CERS6: variants seen among roughly 807,000 people sequenced by gnomAD.
The protein encoded by CERS6 is LAG1 homolog, ceramide synthase 6.
CERS6 carries 26 observed loss-of-function variants against 56.8 expected under a neutral mutation model. That is an observed-to-expected ratio of 0.46 (90% CI 0.34 to 0.63). The LOEUF is 0.63. CERS6 is among the 30% of genes least tolerant of loss of function. The pLI is 0.01. For synonymous variants in CERS6, 164 were observed against 173.3 expected (o/e 0.95, Z 0.42); for missense variants, 415 against 467.5 (o/e 0.89, Z 1.04).
rs1444824610 is a variant in CERS6, at chr2:168,770,917, A to G, written c.*1255A>G. On this transcript the variant is annotated 3_prime_UTR_variant, in exon 10 of 10. Coordinates refer to ENST00000305747, the MANE Select transcript of CERS6 (RefSeq NM_203463.3). The stretch of plus-strand genomic sequence containing the variant: ...GAAAAATGAAAAATTCTATTGGACA[A>G]TGGCAATATCAACAATGAGGAAAAT... The G allele has an allele frequency of 6.6e-6, 1 of 152,194 alleles. No homozygotes were observed. Among genetic ancestry groups the G allele is most frequent in the Non-Finnish European group, 1.5e-5 (1 of 68,034 alleles). The allele number at this position is 152,194 out of a possible 1,614,324, so 9.4% of individuals were successfully genotyped here. A position where few individuals can be genotyped will look rare whatever the true frequency, so the allele number is the denominator to read the frequency against.
chr2:168,605,439 A>T (rs1436733347), intron 3 of CERS6, among the ~76,000 whole-genome samples: 2 of 152,198 alleles, frequency 1.3e-5, no homozygotes, highest in Non-Finnish European at 2.9e-5. Context: ...GAGTTTGGAA[A>T]ATTTGCAGCC....
chr2:168,673,755 T>C (rs1338239975), intron 4 of CERS6, among the ~76,000 whole-genome samples: 1 of 152,230 alleles, frequency 6.6e-6, no homozygotes, highest in Non-Finnish European at 1.5e-5. Flanking sequence ...GTCTCTCTAC[T>C]CTGGATTCCT....
At chr2:168,553,472 A>G (rs1296907564) in intron 2 of CERS6, among the ~76,000 whole-genome samples, 2 of 152,126 alleles carry the variant, frequency 1.3e-5, no homozygotes, top group East Asian at 2.0e-4. Context: ...GCAGCTGGGC[A>G]AAAAATCAGA....
At chr2:168,731,547 T>C (rs1437852888) in intron 8 of CERS6, among the ~76,000 whole-genome samples, 1 of 152,050 alleles carries the variant, frequency 6.6e-6, no homozygotes, top group Non-Finnish European at 1.5e-5. Context: ...AGGGAAAACA[T>C]CATCATACAG....
intron 8 of CERS6, among the ~76,000 whole-genome samples, chr2:168,749,816 G>A (rs1574218473): frequency 6.6e-6 from 1 of 152,248 alleles, no homozygotes; most frequent in African/African-American, 2.4e-5. Context: ...AGGGCAAGCC[G>A]GAGGTAGAAG....
chr2:168,525,161 C>G (rs1394325316), intron 1 of CERS6, among the ~76,000 whole-genome samples: 1 of 152,164 alleles, frequency 6.6e-6, no homozygotes, highest in Non-Finnish European at 1.5e-5. Context: ...TCCTTAAGAC[C>G]AGTCTGTTCA....
At chr2:168,608,679 A>G (rs1170308972) in intron 3 of CERS6, among the ~76,000 whole-genome samples, 1 of 152,204 alleles carries the variant, frequency 6.6e-6, no homozygotes, top group Non-Finnish European at 1.5e-5. Flanking sequence ...GTATTGGTAG[A>G]TATCTGTTTA....
intron 2 of CERS6, among the ~76,000 whole-genome samples, chr2:168,560,773 TTTG>T (rs763931511): frequency 1.3e-3 from 204 of 152,142 alleles, no homozygotes; most frequent in African/African-American, 4.0e-3. Context: ...TTGGGTAGCA[TTTG>T]TTGTTGTTGT....
At chr2:168,687,060 G>A (rs184596734) in intron 4 of CERS6, among the ~76,000 whole-genome samples, 103 of 152,214 alleles carry the variant, frequency 6.8e-4, no homozygotes, top group Middle Eastern at 3.4e-3. Flanking sequence ...CCTTCAATAG[G>A]AATGGAGAAA....
intron 1 of CERS6, among the ~76,000 whole-genome samples, chr2:168,503,739 C>A (rs1194328598): frequency 6.6e-6 from 1 of 151,988 alleles, no homozygotes; most frequent in Non-Finnish European, 1.5e-5. Context: ...TTTGGCTGTC[C>A]TAGAGTGGGA....
chr2:168,530,588 GT>G (rs1187793256), intron 1 of CERS6, among the ~76,000 whole-genome samples: 1 of 152,158 alleles, frequency 6.6e-6, no homozygotes, highest in Non-Finnish European at 1.5e-5. Flanking sequence ...GACATAATTT[GT>G]TTGAATTTTA....
chr2:168,590,631 G>GT (rs1004607221), intron 3 of CERS6, among the ~76,000 whole-genome samples: 30 of 152,116 alleles, frequency 2.0e-4, no homozygotes, highest in Non-Finnish European at 4.0e-4. Context: ...GTATAATTTT[G>GT]TTTTTTAATA....
chr2:168,705,014 C>T (rs569384700), intron 6 of CERS6, among the ~76,000 whole-genome samples: 2 of 152,252 alleles, frequency 1.3e-5, no homozygotes, highest in South Asian at 4.1e-4. Context: ...TGCCTCCTTC[C>T]TCAGAGTCAT....
intron 4 of CERS6, among the ~76,000 whole-genome samples, chr2:168,678,309 A>G (rs1192645948): frequency 6.6e-6 from 1 of 152,162 alleles, no homozygotes; most frequent in African/African-American, 2.4e-5. Context: ...TGTCAGGCCT[A>G]CGGGAGCTAG....
chr2:168,529,762 C>T (rs1242186809), intron 1 of CERS6, among the ~76,000 whole-genome samples: 1 of 152,094 alleles, frequency 6.6e-6, no homozygotes, highest in African/African-American at 2.4e-5. Context: ...TTGCTTATTC[C>T]TCAGGGACAT....
intron 6 of CERS6, among the ~76,000 whole-genome samples, chr2:168,700,155 A>C (rs977585157): frequency 6.6e-6 from 1 of 152,216 alleles, no homozygotes; most frequent in Non-Finnish European, 1.5e-5. Context: ...AGATATGATT[A>C]AGTCTAGCAA....
At chr2:168,625,585 G>A (rs1407673701) in intron 3 of CERS6, among the ~76,000 whole-genome samples, 1 of 152,152 alleles carries the variant, frequency 6.6e-6, no homozygotes, top group East Asian at 1.9e-4. Context: ...GAACTCACAA[G>A]CAATTCAAAG....
chr2:168,765,569 A>G (rs764311087), intron 8 of CERS6, 23 bp from the exon 9 acceptor site: 11 of 1,608,368 alleles, frequency 6.8e-6, no homozygotes, highest in South Asian at 2.2e-5. Flanking sequence ...CACATTCACT[A>G]ATCACCTCCT....
intron 8 of CERS6, among the ~76,000 whole-genome samples, chr2:168,749,788 G>C (rs374969080): frequency 6.6e-6 from 1 of 152,144 alleles, no homozygotes; most frequent in Non-Finnish European, 1.5e-5. Flanking sequence ...TCTTGGCTTT[G>C]CCCAGGAAAA....
Sources: gnomAD v4.1 joint callset for allele counts (sites outside exome capture counted in the v4.1 genomes callset) on GRCh38, gnomAD v4.1.1 for gene constraint, MANE v1.5 for transcripts, NCBI Gene and HGNC (gene_info 2026-07-23, HGNC 2026-07-21) for gene names.